The following C8B variants were observed in gnomAD, a reference collection of about 807,000 sequenced individuals.
The protein encoded by C8B is complement component C8 beta chain.
In C8B, 67 loss-of-function variants were observed where a neutral mutation model predicts 64.6. That is an observed-to-expected ratio of 1.04 (90% confidence interval 0.85 to 1.27). The LOEUF (loss-of-function observed/expected upper bound fraction) is 1.27, where lower values mean the gene tolerates loss of function less well. Among genes scored for constraint, C8B ranks in the 50% most tolerant of loss-of-function variants. The pLI is 0.00. For missense variants in C8B, 790 were observed against 725.2 expected (o/e 1.09, Z -1.03); for synonymous variants, 284 against 257.7 (o/e 1.10, Z -0.98).
At chr1:56,947,182 C>T (rs1557735424) in intron 6 of C8B, among the ~76,000 whole-genome samples, 1 of 152,188 alleles carries the variant, frequency 6.6e-6, no homozygotes, top group Non-Finnish European at 1.5e-5. Flanking sequence ...TATGACCATG[C>T]TCCTCTTGGC....
chr1:56,949,224 T>A (rs1644985429), intron 6 of C8B, among the ~76,000 whole-genome samples: 1 of 152,290 alleles, frequency 6.6e-6, no homozygotes, highest in East Asian at 1.9e-4. Context: ...GTCATGAGGG[T>A]TCTGCCCTCA....
At position 56,956,872 on chromosome 1, in the gene C8B, A is replaced by G. The variant is rs1285912955; in HGVS notation, c.288T>C (p.His96=). The stretch of plus-strand genomic sequence containing the variant: ...TGTCAGAGAAGTTGCACGGTTCCCC[A>G]TGGAACTGAGAGGGCTGGAGCAAGT... ...YAYLLQPSQF[H]GEPCNFSDKE... is the part of the protein sequence containing the mutation. Residue 96 remains histidine (H), a synonymous_variant, in exon 3 of 12, where the codon CAT becomes CAC. Coordinates refer to ENST00000371237, the MANE Select transcript of C8B (RefSeq NM_000066.4). The G allele has an allele frequency of 3.1e-6, 5 of 1,613,996 alleles. No homozygotes were observed. Among genetic ancestry groups the G allele is most frequent in the Non-Finnish European group, 4.2e-6 (5 of 1,179,994 alleles).
intron 6 of C8B, among the ~76,000 whole-genome samples, chr1:56,949,294 A>T (rs2101422109): frequency 6.6e-6 from 1 of 152,282 alleles, no homozygotes; most frequent in Admixed American, 6.5e-5. Context: ...TGGGCTCCTG[A>T]TAAAAGAATG....
intron 9 of C8B, among the ~76,000 whole-genome samples, chr1:56,937,078 C>T (rs1341093455): frequency 6.6e-6 from 1 of 152,126 alleles, no homozygotes. Flanking sequence ...GTCATTATTA[C>T]AGTTTATTAA....
At chr1:56,946,731 T>C (rs925568738) in intron 6 of C8B, among the ~76,000 whole-genome samples, 2 of 152,198 alleles carry the variant, frequency 1.3e-5, no homozygotes, top group Non-Finnish European at 2.9e-5. Flanking sequence ...GACTGAAAGC[T>C]GGTGATGCCA....
At position 56,963,441 on chromosome 1, in the gene C8B, G is replaced by A. The variant is rs189705964; in HGVS notation, c.92+2416C>T. The stretch of plus-strand genomic sequence containing the variant: ...TAGAAGGGGCAGCTTCTAGGTGGCA[G>A]GTTTTCAATTTCTCTTCTCTCTGTC... On this transcript the variant is annotated intron_variant, in intron 1 of 11. Transcript: ENST00000371237. Among the ~76,000 whole-genome samples the A allele has an allele frequency of 2.1e-3, 321 of 152,262 alleles. 3 individuals carry two copies. The highest frequency in any genetic ancestry group is 7.0e-3 in the African/African-American group (290 of 41,522).
At position 56,949,584 on chromosome 1, in the gene C8B, T is replaced by A. The variant is rs199765748; in HGVS notation, c.835A>T (p.Ile279Phe). The change falls in exon 6 of 12, where the codon ATT becomes TTT. Residue 279 changes from isoleucine (I) to phenylalanine (F), a missense_variant. Coordinates refer to ENST00000371237, the MANE Select transcript of C8B (RefSeq NM_000066.4). ...TGAGAGAATCGTTTGGTTCTCCTAA[T>A]ATAGTGTTTGCCTCGATCACTTTGA... ...SSQSDRGKHY[I>F]RRTKRFSHTK... 12 of 1,613,934 alleles carry A rather than the reference T, an allele frequency of 7.4e-6. No homozygotes were observed. Among genetic ancestry groups the A allele is most frequent in the Middle Eastern group, 1.6e-4 (1 of 6,080 alleles).
chr1:56,936,601 C>CT (rs35818447), intron 9 of C8B, among the ~76,000 whole-genome samples: 20,271 of 95,086 alleles, frequency 0.21, 1,619 homozygotes, highest in South Asian at 0.29. Context: ...TTTTTCTTTT[C>CT]TTTTTTTTTT....
intron 2 of C8B, 147 bp downstream of exon 2, chr1:56,959,873 C>A: frequency 1.1e-6 from 1 of 914,854 alleles, no homozygotes; most frequent in Admixed American, 2.0e-5. Context: ...TGCTTGGAAG[C>A]ACAGAAGGAA....
chr1:56,939,617 C>A lies in C8B; in HGVS notation c.1398+1232G>T, dbSNP rs749419331. ...GTGCAGAAGTCCCCACAGGCAAGGA[C>A]CTACCATTGCTGACGTGTATGACAG... On this transcript the variant is annotated intron_variant, in intron 9 of 11. Transcript: ENST00000371237. Among the ~76,000 whole-genome samples the A allele has an allele frequency of 3.3e-5, 5 of 152,126 alleles. No homozygotes were observed. The East Asian group carries it at 9.6e-4, about 29-fold the overall frequency.
chr1:56,949,621 A>G lies in C8B; in HGVS notation c.798T>C (p.Leu266=), dbSNP rs1236988611. The change falls in exon 6 of 12, where the codon CTT becomes CTC. Residue 266 remains leucine, a synonymous_variant. Transcript: ENST00000371237. ...CTCGATCACTTTGACTACTGATGCC[A>G]AGTTCAAATATTCCAGGTATTTTAA... is the stretch of plus-strand genomic sequence containing the variant. The part of the protein sequence containing the change: ...FGFKIPGIFE[L]GISSQSDRGK... 3 of 1,613,970 alleles carry G rather than the reference A, an allele frequency of 1.9e-6. No individual in the cohort carries two copies. In the African/African-American group the frequency reaches 4.0e-5, roughly 22 times the overall value.
intron 8 of C8B, among the ~76,000 whole-genome samples, chr1:56,941,804 C>T (rs563583256): frequency 1.3e-5 from 2 of 152,288 alleles, no homozygotes; most frequent in East Asian, 3.9e-4. Flanking sequence ...AATAACTTTC[C>T]TCTCTCCAAA....
At chr1:56,936,249 T>G (rs191377651) in intron 9 of C8B, among the ~76,000 whole-genome samples, 1 of 152,356 alleles carries the variant, frequency 6.6e-6, no homozygotes, top group Admixed American at 6.5e-5. Context: ...TCCTAAATAA[T>G]TGTATCAAAT....
In C8B at chr1:56,953,617, T is replaced by C. The variant is rs149159578; in HGVS notation, c.533+1069A>G. Among the ~76,000 whole-genome samples, 663 of 152,336 alleles carry C rather than the reference T, an allele frequency of 4.4e-3. 6 individuals are homozygous for C. Among genetic ancestry groups the C allele is most frequent in the African/African-American group, 0.015 (642 of 41,574 alleles). On this transcript the variant is annotated intron_variant, in intron 4 of 11. Coordinates refer to ENST00000371237, the MANE Select transcript of C8B (RefSeq NM_000066.4). The stretch of plus-strand genomic sequence containing the variant: ...CACACGAGCTGCCCAGCACCTCGTA[T>C]GTTAGTCACATTCACTTGTTCAATC...
chr1:56,956,780 C>A lies in C8B; in HGVS notation c.380G>T (p.Cys127Phe). 2 of 1,614,024 alleles carry A rather than the reference C, an allele frequency of 1.2e-6. No homozygotes were observed. Among genetic ancestry groups the A allele is most frequent in the Non-Finnish European group, 1.7e-6 (2 of 1,179,978 alleles). ...GSQVRCEGFV[C>F]AQTGRCVNRR... The stretch of plus-strand genomic sequence containing the variant: ...ACATTGATTTATACCTGTCTGTGCA[C>A]ACACAAAGCCTTCACATCGCACTTG... Residue 127 changes from cysteine (C) to phenylalanine (F), a missense_variant, in exon 3 of 12, where the codon TGT becomes TTT. By Grantham distance (205) the Cys-to-Phe change is radical. Transcript: ENST00000371237.
intron 9 of C8B, among the ~76,000 whole-genome samples, chr1:56,938,005 C>T (rs902144801): frequency 6.6e-6 from 1 of 152,206 alleles, no homozygotes; most frequent in South Asian, 2.1e-4. Context: ...TAAACATTTT[C>T]ACCAGGATGT....
At chr1:56,958,234 T>A (rs1645129544) in intron 2 of C8B, among the ~76,000 whole-genome samples, 1 of 152,140 alleles carries the variant, frequency 6.6e-6, no homozygotes. Context: ...CAGATTTGGG[T>A]GATTTCCAAA....
intron 1 of C8B, among the ~76,000 whole-genome samples, chr1:56,962,865 C>A (rs1412563550): frequency 6.6e-6 from 1 of 152,170 alleles, no homozygotes; most frequent in African/African-American, 2.4e-5. Flanking sequence ...TTCATACTTA[C>A]ACATATGATT....
intron 11 of C8B, among the ~76,000 whole-genome samples, chr1:56,930,963 A>C (rs916380882): frequency 2.0e-5 from 3 of 152,180 alleles, no homozygotes; most frequent in African/African-American, 7.2e-5. Context: ...AGGCATAAAG[A>C]GGTCAAGTAT....
Sources: gnomAD v4.1 joint callset for allele counts (sites outside exome capture counted in the v4.1 genomes callset) on GRCh38, gnomAD v4.1.1 for gene constraint, MANE v1.5 for transcripts, NCBI Gene and HGNC (gene_info 2026-07-23, HGNC 2026-07-21) for gene names.